The following BTD variants were observed in gnomAD, a reference collection of about 807,000 sequenced individuals.
The protein encoded by BTD is biotinidase.
Under a neutral mutation model 17.7 loss-of-function variants are expected in BTD, and 13 were observed. The observed-to-expected ratio is 0.74, with a 90% confidence interval of 0.48 to 1.17. The LOEUF (loss-of-function observed/expected upper bound fraction) is 1.17. Among genes scored for constraint, BTD ranks in the 50% most tolerant of loss-of-function variants. BTD has a pLI of 0.00. For synonymous variants in BTD, 240 were observed against 245.2 expected (o/e 0.98, Z 0.20); for missense variants, 674 against 650.4 (o/e 1.04, Z -0.39).
rs944311784 is a variant in BTD, at chr3:15,645,914, T to C, written c.*426T>C. 1.3e-5 allele frequency: 2 copies of C among 159,538 alleles called. No individual in the cohort carries two copies. The highest frequency in any genetic ancestry group is 4.8e-5 in the African/African-American group (2 of 41,386). The allele number at this position is 159,538 out of a possible 1,614,324, so 9.9% of individuals were successfully genotyped here. A position where few individuals can be genotyped will look rare whatever the true frequency, so the allele number is the denominator to read the frequency against. On this transcript the variant is annotated 3_prime_UTR_variant, in exon 4 of 4. Coordinates refer to ENST00000643237, the MANE Select transcript of BTD (RefSeq NM_001370658.1). The stretch of plus-strand genomic sequence containing the variant: ...TATTTCATAAGCCTTAAACATTTCC[T>C]GAGGTAAGAAACAAGCTCTCAAAGC...
chr3:15,695,792 T>C (rs182815388), intron 3 of BTD, among the ~76,000 whole-genome samples: 69 of 152,180 alleles, frequency 4.5e-4, no homozygotes, highest in African/African-American at 1.6e-3. Context: ...GGGGGAGATA[T>C]TCCTTTCACA....
chr3:15,705,050 G>C (rs376823722), intron 3 of BTD, among the ~76,000 whole-genome samples: 1 of 152,130 alleles, frequency 6.6e-6, no homozygotes, highest in East Asian at 1.9e-4. Flanking sequence ...TACTCAAATG[G>C]GTACAGTATG....
chr3:15,660,992 A>G (rs1279025189), intron 3 of BTD, among the ~76,000 whole-genome samples: 3 of 152,118 alleles, frequency 2.0e-5, no homozygotes, highest in African/African-American at 7.2e-5. Flanking sequence ...CAAGCTGGGC[A>G]TGGTGGGTCA....
chr3:15,604,437 C>T (rs552215402), intron 1 of BTD, among the ~76,000 whole-genome samples: 1 of 152,232 alleles, frequency 6.6e-6, no homozygotes, highest in Non-Finnish European at 1.5e-5. Context: ...GGACCCTGGA[C>T]CTGACCCATG....
At chr3:15,666,746 G>A (rs2066002656) in intron 3 of BTD, among the ~76,000 whole-genome samples, 1 of 152,028 alleles carries the variant, frequency 6.6e-6, no homozygotes, top group Non-Finnish European at 1.5e-5. Flanking sequence ...ATCCCAGAGC[G>A]CCCCTCCACC....
chr3:15,660,122 C>T (rs746087951), intron 3 of BTD, among the ~76,000 whole-genome samples: 1 of 152,222 alleles, frequency 6.6e-6, no homozygotes, highest in Non-Finnish European at 1.5e-5. Context: ...GAGGGAGGTA[C>T]TATGGTCCTC....
At chr3:15,608,592 C>T (rs2064523429) in intron 1 of BTD, among the ~76,000 whole-genome samples, 1 of 151,938 alleles carries the variant, frequency 6.6e-6, no homozygotes, top group African/African-American at 2.4e-5. Flanking sequence ...ATGGTGAAAC[C>T]CCGTCTCTAC....
chr3:15,626,873 A>C (rs2065080618), intron 1 of BTD, among the ~76,000 whole-genome samples: 1 of 152,116 alleles, frequency 6.6e-6, no homozygotes, highest in Non-Finnish European at 1.5e-5. Context: ...TAGATGGCAC[A>C]AGGCAATGGC....
At chr3:15,664,622 C>T (rs1260536073) in intron 3 of BTD, among the ~76,000 whole-genome samples, 4 of 152,004 alleles carry the variant, frequency 2.6e-5, no homozygotes, top group Admixed American at 1.3e-4. Context: ...AGCTAGTTTT[C>T]GGAGGTCATT....
downstream of BTD, chr3:15,713,410 A>T: frequency 1.4e-6 from 1 of 737,670 alleles, no homozygotes. Flanking sequence ...AAGTTCAAGC[A>T]ATTAATACAA....
At chr3:15,670,687 C>A in intron 3 of BTD, 1 of 966,412 alleles carries the variant, frequency 1.0e-6, no homozygotes, top group South Asian at 1.8e-5. Context: ...ATTGCTGTAA[C>A]CAGCATGATT....
In BTD at chr3:15,611,655, T is replaced by C. The variant is rs188340134; in HGVS notation, c.-17+9761T>C. Among the ~76,000 whole-genome samples, 4 of 152,100 alleles carry C rather than the reference T, an allele frequency of 2.6e-5. No individual in the cohort carries two copies. In the East Asian group the frequency reaches 7.7e-4, roughly 29 times the overall value. On this transcript the variant is annotated intron_variant, in intron 1 of 3. Coordinates refer to ENST00000643237, the MANE Select transcript of BTD (RefSeq NM_001370658.1). Reference sequence around the variant, plus strand: ...CGAAGTTTTGGTAAAAATATATTTTTCAGTCCCAGCTACTCTGGAGGCTGA... The same window carrying C: ...CGAAGTTTTGGTAAAAATATATTTTCCAGTCCCAGCTACTCTGGAGGCTGA...
chr3:15,608,739 C>A (rs1006323421), intron 1 of BTD, among the ~76,000 whole-genome samples: 1 of 150,138 alleles, frequency 6.7e-6, no homozygotes, highest in Non-Finnish European at 1.5e-5. Context: ...GCACTCCAGC[C>A]TGGCGACAGA....
intron 3 of BTD, chr3:15,642,380 A>G (rs1156737895): frequency 1.1e-5 from 8 of 695,860 alleles, no homozygotes; most frequent in East Asian, 2.9e-5. Context: ...CCTTGCTTAG[A>G]GAAACTGCCA....
At chr3:15,636,964 A>G (rs1333745748) in intron 2 of BTD, among the ~76,000 whole-genome samples, 2 of 152,060 alleles carry the variant, frequency 1.3e-5, no homozygotes, top group Non-Finnish European at 2.9e-5. Context: ...TCAGACTCAC[A>G]GGTCCGTTTG....
chr3:15,608,281 GCTTTGTGTT>G (rs2064514413), intron 1 of BTD, among the ~76,000 whole-genome samples: 1 of 152,212 alleles, frequency 6.6e-6, no homozygotes. Flanking sequence ...CCTTGTTTTA[GCTTTGTGTT>G]CATCCATTAT....
intron 3 of BTD, among the ~76,000 whole-genome samples, chr3:15,663,091 G>A (rs56108062): frequency 0.046 from 6,947 of 151,808 alleles, 237 homozygotes; most frequent in Non-Finnish European, 0.068. Flanking sequence ...TCCACCTCCC[G>A]GTTTCAAGTG....
chr3:15,716,796 G>A (rs1197250959), downstream of BTD, among the ~76,000 whole-genome samples: 4 of 152,182 alleles, frequency 2.6e-5, no homozygotes, highest in Admixed American at 2.6e-4. Context: ...TTCACGCACA[G>A]TTTTAAAACA....
At chr3:15,604,257 C>G (rs2064373820) in intron 1 of BTD, among the ~76,000 whole-genome samples, 1 of 152,258 alleles carries the variant, frequency 6.6e-6, no homozygotes, top group Non-Finnish European at 1.5e-5. Flanking sequence ...GTTCCCAAAC[C>G]TCAATTTTTG....
Sources: gnomAD v4.1 joint callset for allele counts (sites outside exome capture counted in the v4.1 genomes callset) on GRCh38, gnomAD v4.1.1 for gene constraint, MANE v1.5 for transcripts, NCBI Gene and HGNC (gene_info 2026-07-23, HGNC 2026-07-21) for gene names.